The following ZC3H12C variants were observed in gnomAD, a reference collection of about 807,000 sequenced individuals.
ZC3H12C encodes zinc finger CCCH-type containing 12C.
ZC3H12C carries 20 observed loss-of-function variants against 76.3 expected under a neutral mutation model. The observed-to-expected ratio is 0.26, with a 90% CI of 0.18 to 0.38. The LOEUF is 0.38. Among genes scored for constraint, ZC3H12C ranks in the 10% least tolerant of loss-of-function variants. The pLI is 1.00. For missense variants in ZC3H12C, 874 were observed against 1,086.5 expected (o/e 0.80, Z 2.75); for synonymous variants, 352 against 399.6 (o/e 0.88, Z 1.42).
chr11:110,139,111 G>A (rs1277904552), intron 2 of ZC3H12C, among the ~76,000 whole-genome samples: 1 of 152,144 alleles, frequency 6.6e-6, no homozygotes, highest in Non-Finnish European at 1.5e-5. Flanking sequence ...GTTTTCTGTA[G>A]GTGACAGCAA....
At chr11:110,144,130 G>A (rs1862119815) in intron 2 of ZC3H12C, among the ~76,000 whole-genome samples, 1 of 151,946 alleles carries the variant, frequency 6.6e-6, no homozygotes, top group African/African-American at 2.4e-5. Context: ...ACACTGTTTA[G>A]TGATCTCTAC....
chr11:110,114,155 C>G (rs1861483514), intron 1 of ZC3H12C, among the ~76,000 whole-genome samples: 2 of 152,198 alleles, frequency 1.3e-5, no homozygotes. Context: ...TATGTTGTAT[C>G]ATCTCTCACG....
chr11:110,118,902 G>A (rs889423824), intron 1 of ZC3H12C, among the ~76,000 whole-genome samples: 5 of 152,212 alleles, frequency 3.3e-5, no homozygotes, highest in East Asian at 3.8e-4. Context: ...TCAATAAACT[G>A]TCATTGATTG....
intron 1 of ZC3H12C, among the ~76,000 whole-genome samples, chr11:110,127,818 G>A (rs1049798628): frequency 2.0e-5 from 3 of 151,700 alleles, no homozygotes; most frequent in Non-Finnish European, 4.4e-5. Context: ...ATCCCTTGAA[G>A]CTGGGAGGTG....
At chr11:110,099,267 A>G (rs1021026431) in intron 1 of ZC3H12C, among the ~76,000 whole-genome samples, 9 of 152,192 alleles carry the variant, frequency 5.9e-5, no homozygotes, top group Admixed American at 2.6e-4. Flanking sequence ...AACAGAATAA[A>G]CTTGAAGGTT....
intron 1 of ZC3H12C, among the ~76,000 whole-genome samples, chr11:110,117,802 A>G (rs963136689): frequency 7.3e-6 from 1 of 136,534 alleles, no homozygotes; most frequent in South Asian, 2.2e-4. Context: ...TATATTATAT[A>G]TACACACATA....
rs1385872745 is a variant in ZC3H12C, at chr11:110,118,070, CACAT to C, written c.22-18591_22-18588del. On this transcript the variant is annotated intron_variant, in intron 1 of 5. Coordinates refer to ENST00000278590, the MANE Select transcript of ZC3H12C (RefSeq NM_033390.2). ...CATATATATTATATATATACACACA[CACAT>C]ATATATTATATATATACACATACAC... Among the ~76,000 whole-genome samples, 4 of 58,016 alleles carry C rather than the reference CACAT, an allele frequency of 6.9e-5. 1 individual carries two copies. The highest frequency in any genetic ancestry group is 7.1e-5 in the African/African-American group (1 of 14,030). 38.1% of individuals were successfully genotyped at this position (58,016 alleles called of 152,430 possible).
In ZC3H12C at chr11:110,160,245, T is replaced by A. The variant is rs149632871; in HGVS notation, c.1148+755T>A. Among the ~76,000 whole-genome samples, 708 of 152,368 alleles carry A rather than the reference T, an allele frequency of 4.6e-3. 4 individuals are homozygous for A. Among genetic ancestry groups the A allele is most frequent in the Non-Finnish European group, 8.1e-3 (548 of 68,028 alleles). ...TCAGTGAATGAATGGTGAGTGAATG[T>A]GAACGGCTAGGACATTACTATAAAC... On this transcript the variant is annotated intron_variant, in intron 4 of 5. Transcript: ENST00000278590.
In ZC3H12C at chr11:110,165,665, G is replaced by T; in HGVS notation, c.2580G>T (p.Arg860Ser). Residue 860 changes from arginine (R) to serine (S), a missense_variant, in exon 6 of 6, where the codon AGG becomes AGT. Arg to Ser is a moderately radical substitution (Grantham distance 110, BLOSUM62 -1). This residue lies in a region of ZC3H12C where 395 missense variants were observed against 434.4 expected (regional missense o/e 0.91). Transcript: ENST00000278590. ...ACCTTGTGAGAATTGTCATGAAAAG[G>T]AATCCTCACATGACAGACGCCCAGC... is the stretch of plus-strand genomic sequence containing the variant. ...PPDLVRIVMK[R>S]NPHMTDAQQL... The T allele has an allele frequency of 6.3e-7, 1 of 1,598,546 alleles. No individual in the cohort carries two copies. Among genetic ancestry groups the T allele is most frequent in the Non-Finnish European group, 8.5e-7 (1 of 1,172,084 alleles).
chr11:110,126,216 C>CTTTTTTTTTTTTTTTTTTTT (rs56199067), intron 1 of ZC3H12C, among the ~76,000 whole-genome samples: 1 of 86,260 alleles, frequency 1.2e-5, no homozygotes, highest in African/African-American at 4.2e-5. Flanking sequence ...TTGTTTTCTT[C>CTTTTTTTTTTTTTTTTTTTT]TTTTTTTTTT....
chr11:110,146,776 T>C (rs894050544), intron 2 of ZC3H12C, among the ~76,000 whole-genome samples: 1 of 152,080 alleles, frequency 6.6e-6, no homozygotes, highest in African/African-American at 2.4e-5. Flanking sequence ...TGGATTGCTA[T>C]TGCCAATACC....
chr11:110,137,120 G>A lies in ZC3H12C; in HGVS notation c.479G>A (p.Arg160Gln), dbSNP rs762024976. The stretch of plus-strand genomic sequence containing the variant: ...GCAAAGAAACCACCTGATGTGGTGC[G>A]AGAATACCAAACAAAACTGGAGTTT... ...KEAKKPPDVV[R>Q]EYQTKLEFAL... The change falls in exon 2 of 6, where the codon CGA becomes CAA. Residue 160 changes from arginine (R) to glutamine (Q), a missense_variant. Physicochemically the swap from Arg to Gln is conservative, Grantham distance 43 (BLOSUM62 1). Transcript: ENST00000278590. 10 of 1,613,662 alleles carry A rather than the reference G, an allele frequency of 6.2e-6. No homozygotes were observed. The highest frequency in any genetic ancestry group is 2.2e-5 in the East Asian group (1 of 44,884).
chr11:110,117,677 T>A (rs1861552886), intron 1 of ZC3H12C, among the ~76,000 whole-genome samples: 1 of 140,896 alleles, frequency 7.1e-6, no homozygotes. Context: ...TATATATATA[T>A]TATATATATA....
chr11:110,166,629 T>G lies in ZC3H12C; in HGVS notation c.*892T>G, dbSNP rs1362303365. 1 of 152,222 alleles carries G rather than the reference T, an allele frequency of 6.6e-6. No individual in the cohort carries two copies. The highest frequency in any genetic ancestry group is 2.4e-5 in the African/African-American group (1 of 41,460). The allele number at this position is 152,222 out of a possible 1,614,324, so 9.4% of individuals were successfully genotyped here. On this transcript the variant is annotated 3_prime_UTR_variant, in exon 6 of 6. Coordinates refer to ENST00000278590, the MANE Select transcript of ZC3H12C (RefSeq NM_033390.2). The stretch of plus-strand genomic sequence containing the variant: ...ACCTGTATTTTTAATATGTCTGTCT[T>G]TTTGTTTTGGGGCACAACAATACTG...
chr11:110,099,392 T>A (rs1281761296), intron 1 of ZC3H12C, among the ~76,000 whole-genome samples: 1 of 152,190 alleles, frequency 6.6e-6, no homozygotes, highest in Non-Finnish European at 1.5e-5. Context: ...ACTTTGAAAG[T>A]GCTTGATTTC....
intron 2 of ZC3H12C, 137 bp downstream of exon 2, chr11:110,137,551 A>G (rs186608413): frequency 1.8e-6 from 2 of 1,116,522 alleles, no homozygotes; most frequent in East Asian, 2.6e-5. Flanking sequence ...ATTAGAAAAC[A>G]TTAGTTTTCC....
chr11:110,163,396 A>C lies in ZC3H12C; in HGVS notation c.1255+17A>C, dbSNP rs902175701. The stretch of plus-strand genomic sequence containing the variant: ...GTCCATATGGTAACTTGCTTTGTGA[A>C]TATTGGGTATATGCCTTTAGAACAC... On this transcript the variant is annotated intron_variant, in intron 5 of 5. Coordinates refer to ENST00000278590, the MANE Select transcript of ZC3H12C (RefSeq NM_033390.2). 6.3e-6 allele frequency: 10 copies of C among 1,584,462 alleles called. No homozygotes were observed. Among genetic ancestry groups the C allele is most frequent in the Non-Finnish European group, 8.6e-6 (10 of 1,158,036 alleles).
chr11:110,114,127 T>A (rs568323380), intron 1 of ZC3H12C, among the ~76,000 whole-genome samples: 42 of 152,286 alleles, frequency 2.8e-4, no homozygotes, highest in African/African-American at 1.0e-3. Context: ...CCGGGAGTAT[T>A]CATCACACAG....
At chr11:110,126,009 G>A (rs1024809706) in intron 1 of ZC3H12C, among the ~76,000 whole-genome samples, 7 of 152,234 alleles carry the variant, frequency 4.6e-5, no homozygotes, top group South Asian at 4.1e-4. Context: ...GAGCTCCTTC[G>A]TGTTCTTCCA....
Sources: allele counts gnomAD v4.1 joint callset (sites outside exome capture counted in the v4.1 genomes callset), GRCh38; gene constraint gnomAD v4.1.1; regional missense constraint gnomAD v4.1.1; transcripts MANE v1.5; gene names NCBI Gene and HGNC (gene_info 2026-07-23, HGNC 2026-07-21).